Variants in PALM2AKAP2 observed in about 807,000 individuals in gnomAD.
PALM2AKAP2 encodes PALM2 and AKAP2 fusion.
Under a neutral mutation model 71.5 loss-of-function variants are expected in PALM2AKAP2, and 37 were observed. The ratio of observed to expected loss-of-function variants is 0.52; its 90% CI spans 0.40 to 0.68. The LOEUF (loss-of-function observed/expected upper bound fraction) is 0.68. Among genes scored for constraint, PALM2AKAP2 ranks in the 30% least tolerant of loss-of-function variants. The pLI is 0.00. For missense variants in PALM2AKAP2, 1,224 were observed against 1,191.8 expected, an observed-to-expected ratio of 1.03 and a Z score of -0.40; for synonymous variants, 468 against 478.8, an observed-to-expected ratio of 0.98 and a Z score of 0.29.
At chr9:110,135,048 G>A (rs1437869072) in intron 1 of PALM2AKAP2, among the ~76,000 whole-genome samples, 5 of 148,806 alleles carry the variant, frequency 3.4e-5, no homozygotes, top group Non-Finnish European at 7.4e-5. Flanking sequence ...GGGTGTGGTG[G>A]CTCATGTCTG....
chr9:110,061,695 C>CGG (rs1251656731), intron 1 of PALM2AKAP2, among the ~76,000 whole-genome samples: 1 of 150,914 alleles, frequency 6.6e-6, no homozygotes, highest in Non-Finnish European at 1.5e-5. Context: ...CACACCACCA[C>CGG]GCCTGGCTAA....
At chr9:109,942,809 G>C in intron 6 of PALM2AKAP2, 1 of 1,614,174 alleles carries the variant, frequency 6.2e-7, no homozygotes, top group Non-Finnish European at 8.5e-7. Context: ...TATGATGATG[G>C]TACCAAAGTA....
intron 2 of PALM2AKAP2, among the ~76,000 whole-genome samples, chr9:110,146,814 A>G (rs1256427460): frequency 6.6e-6 from 1 of 152,194 alleles, no homozygotes; most frequent in Non-Finnish European, 1.5e-5. Context: ...GGGGCAGACA[A>G]TTAGAGCACC....
Position 109,943,357 on chromosome 9 carries a change from A to G in PALM2AKAP2, c.496+11329A>G, listed in dbSNP as rs1831423041. 4.3e-6 allele frequency: 7 copies of G among 1,614,190 alleles called. No homozygotes were observed. The East Asian group carries it at 1.6e-4, about 36-fold the overall frequency. On this transcript the variant is annotated intron_variant, in intron 6 of 9. Transcript: ENST00000302798. ...CTCATCCCCAGAAGGGAAGGAAGAG[A>G]GCCTAGCTACAGAGCCAGCCCCAGG...
chr9:109,675,770 A>G (rs1211149347), intron 1 of PALM2AKAP2, among the ~76,000 whole-genome samples: 2 of 152,210 alleles, frequency 1.3e-5, no homozygotes, highest in Admixed American at 6.5e-5. Context: ...TTCTTAGTCC[A>G]TACTGTCTCC....
chr9:110,109,702 G>A (rs1308114031), intron 1 of PALM2AKAP2, among the ~76,000 whole-genome samples: 2 of 152,146 alleles, frequency 1.3e-5, no homozygotes, highest in African/African-American at 2.4e-5. Flanking sequence ...GCTGAAAATA[G>A]ATGAATTTGC....
intron 1 of PALM2AKAP2, among the ~76,000 whole-genome samples, chr9:110,058,093 A>G (rs534422965): frequency 3.5e-4 from 54 of 152,300 alleles, no homozygotes; most frequent in African/African-American, 1.1e-3. Flanking sequence ...CAAAATATCA[A>G]TGGTGCCAAT....
At chr9:110,112,978 T>C (rs1471267340) in intron 1 of PALM2AKAP2, among the ~76,000 whole-genome samples, 4 of 152,232 alleles carry the variant, frequency 2.6e-5, no homozygotes, top group African/African-American at 9.6e-5. Flanking sequence ...GCTAATGCCT[T>C]TGAGGACTCT....
rs141992704 is a variant in PALM2AKAP2, at chr9:110,136,207, T to C, written c.237T>C (p.Ala79=). 250 of 1,614,094 alleles carry C rather than the reference T, an allele frequency of 1.5e-4. 1 individual carries two copies. Among genetic ancestry groups the C allele is most frequent in the Middle Eastern group, 5.0e-4 (3 of 6,060 alleles). The change falls in exon 2 of 4, where the codon GCT becomes GCC. Residue 79 remains alanine (A), a synonymous_variant. Transcript: ENST00000374525. Reference sequence around the variant, plus strand: ...ATAGTGCCACCCTCCTGGAGCCTGCTGCCAGCTCTCTTTCCCCAGATCACA... The same window carrying C: ...ATAGTGCCACCCTCCTGGAGCCTGCCGCCAGCTCTCTTTCCCCAGATCACA...
At chr9:109,876,700 G>A (rs1166811449) in intron 2 of PALM2AKAP2, among the ~76,000 whole-genome samples, 27 of 151,952 alleles carry the variant, frequency 1.8e-4, no homozygotes, top group African/African-American at 6.3e-4. Context: ...GGCTGGTCTC[G>A]AACTCTTGAC....
At chr9:110,045,594 GTCTC>G (rs1564276365), upstream of PALM2AKAP2, among the ~76,000 whole-genome samples, 1 of 151,654 alleles carries the variant, frequency 6.6e-6, no homozygotes, top group Non-Finnish European at 1.5e-5. Flanking sequence ...TTTTGATGCA[GTCTC>G]TCTCTGTCGC....
At chr9:109,863,906 C>G (rs1246867028) in intron 1 of PALM2AKAP2, among the ~76,000 whole-genome samples, 1 of 152,078 alleles carries the variant, frequency 6.6e-6, no homozygotes, top group African/African-American at 2.4e-5. Context: ...ATGGCAAAAC[C>G]CCATCTCTAG....
intron 1 of PALM2AKAP2, among the ~76,000 whole-genome samples, chr9:110,106,117 A>C (rs1835115129): frequency 6.6e-6 from 1 of 152,200 alleles, no homozygotes; most frequent in African/African-American, 2.4e-5. Flanking sequence ...ACATCTGCAT[A>C]ATTTTGCATT....
intron 1 of PALM2AKAP2, among the ~76,000 whole-genome samples, chr9:109,649,526 T>G (rs937830163): frequency 6.6e-6 from 1 of 152,236 alleles, no homozygotes; most frequent in Non-Finnish European, 1.5e-5. Context: ...TGTATCCAAT[T>G]TTTTTGAATG....
intron 1 of PALM2AKAP2, among the ~76,000 whole-genome samples, chr9:109,825,970 T>C (rs1828138134): frequency 1.3e-5 from 2 of 152,100 alleles, no homozygotes. Context: ...AACCCAAATG[T>C]CCAACAATGA....
At chr9:110,060,936 T>C (rs1267147495) in intron 1 of PALM2AKAP2, among the ~76,000 whole-genome samples, 1 of 152,202 alleles carries the variant, frequency 6.6e-6, no homozygotes, top group Non-Finnish European at 1.5e-5. Flanking sequence ...TTGTAAGCTG[T>C]CTGAAGGTCT....
At chr9:110,070,919 T>G (rs527576996) in intron 1 of PALM2AKAP2, among the ~76,000 whole-genome samples, 36 of 152,194 alleles carry the variant, frequency 2.4e-4, no homozygotes, top group African/African-American at 8.2e-4. Context: ...CCCAGCACTT[T>G]GGGAGGCTGA....
At position 109,968,619 on chromosome 9, in the gene PALM2AKAP2, G is replaced by A. The variant is rs1832001920; in HGVS notation, c.496+36591G>A. On this transcript the variant is annotated intron_variant, in intron 6 of 9. Transcript: ENST00000302798. The stretch of plus-strand genomic sequence containing the variant: ...GGTTTCTGAAAGAGGCCCTGATTTT[G>A]TGTTAGCCTTCAGCATCTACCACTT... 5.9e-5 allele frequency among the ~76,000 whole-genome samples: 9 copies of A among 152,280 alleles called. No individual in the cohort carries two copies. In the South Asian group the frequency reaches 6.2e-4, roughly 11 times the overall value.
intron 3 of PALM2AKAP2, among the ~76,000 whole-genome samples, chr9:110,161,201 A>G (rs1345327271): frequency 6.6e-6 from 1 of 152,172 alleles, no homozygotes; most frequent in Non-Finnish European, 1.5e-5. Flanking sequence ...ACAGAACTAT[A>G]ATTCCTAAGT....
Sources: gnomAD v4.1 joint callset for allele counts (sites outside exome capture counted in the v4.1 genomes callset) on GRCh38, gnomAD v4.1.1 for gene constraint, MANE v1.5 for transcripts, NCBI Gene and HGNC (gene_info 2026-07-23, HGNC 2026-07-21) for gene names.